STX18: variants seen among roughly 807,000 people sequenced by gnomAD.
STX18 encodes the protein syntaxin-18.
STX18 carries 40 observed loss-of-function variants against 50.1 expected under a neutral mutation model. The ratio of observed to expected loss-of-function variants is 0.80; its 90% CI spans 0.62 to 1.04. The LOEUF is 1.04. Ranked by LOEUF, STX18 falls within the 50% of genes least tolerant of loss-of-function variation. The pLI is 0.00. For missense variants in STX18, 410 were observed against 415.8 expected (o/e 0.99, Z 0.12); for synonymous variants, 158 against 151.8 (o/e 1.04, Z -0.30).
chr4:4,486,204 G>A (rs571155118), intron 1 of STX18, among the ~76,000 whole-genome samples: 8 of 152,234 alleles, frequency 5.3e-5, no homozygotes, highest in South Asian at 2.1e-4. Flanking sequence ...CACCAACCCC[G>A]TCAGTTTCTT....
In STX18 at chr4:4,487,562, C is replaced by A. The variant is rs118078303; in HGVS notation, c.169-15856G>T. 2.1e-3 allele frequency among the ~76,000 whole-genome samples: 323 copies of A among 152,320 alleles called. 5 individuals carry two copies. The highest frequency in any genetic ancestry group is 0.011 in the East Asian group (58 of 5,180). ...TCTAAGCCTGTGCTCTTAAATTCTT[C>A]ACTCTATGCCTCCAAACTTGGGCTC... On this transcript the variant is annotated intron_variant, in intron 1 of 10. Coordinates refer to ENST00000306200, the MANE Select transcript of STX18 (RefSeq NM_016930.4).
intron 7 of STX18, among the ~76,000 whole-genome samples, chr4:4,428,769 C>T (rs571128593): frequency 3.3e-5 from 5 of 152,164 alleles, no homozygotes; most frequent in African/African-American, 7.2e-5. Flanking sequence ...TTGCAAGGTG[C>T]GGTGCTGAAT....
chr4:4,504,044 C>T (rs1729582077), intron 1 of STX18, among the ~76,000 whole-genome samples: 1 of 152,124 alleles, frequency 6.6e-6, no homozygotes, highest in South Asian at 2.1e-4. Context: ...AGGTCACTGA[C>T]TTACACATCT....
intron 8 of STX18, 114 bp downstream of exon 8, chr4:4,425,050 T>C: frequency 1.1e-6 from 1 of 939,560 alleles, no homozygotes; most frequent in African/African-American, 1.6e-5. Context: ...TGAGGGGGGC[T>C]GCACCAGCCC....
rs559363325 is a variant in STX18, at chr4:4,507,628, G to T, written c.168+34169C>A. The T allele has an allele frequency of 3.9e-6, 3 of 769,234 alleles. No individual in the cohort carries two copies. The South Asian group carries it at 4.1e-5, about 10-fold the overall frequency. 47.7% of individuals were successfully genotyped at this position (769,234 alleles called of 1,614,324 possible). A position where few individuals can be genotyped will look rare whatever the true frequency, so the allele number is the denominator to read the frequency against. On this transcript the variant is annotated intron_variant, in intron 1 of 10. Coordinates refer to ENST00000306200, the MANE Select transcript of STX18 (RefSeq NM_016930.4). ...TTCCCAAGCGAAATTGTGGGCAAGA[G>T]AATTCACGTGAACTGGATGGCAGCC...
intron 1 of STX18, among the ~76,000 whole-genome samples, chr4:4,537,573 A>C (rs1731400095): frequency 6.6e-6 from 1 of 152,228 alleles, no homozygotes; most frequent in Non-Finnish European, 1.5e-5. Flanking sequence ...CTAGAGAAAG[A>C]AGCTCTATCC....
rs758080721 is a variant in STX18, at chr4:4,438,549, T to C, written c.498-40A>G. ...TTAGCAGGCAGGTATTTTATTTCCATAACAGGATTCCTTTTTGAAAACAGA... is the reference window on the plus strand; with the variant it reads ...TTAGCAGGCAGGTATTTTATTTCCACAACAGGATTCCTTTTTGAAAACAGA... On this transcript the variant is annotated intron_variant, in intron 5 of 10. Coordinates refer to ENST00000306200, the MANE Select transcript of STX18 (RefSeq NM_016930.4). 19 of 1,505,580 alleles carry C rather than the reference T, an allele frequency of 1.3e-5. No homozygotes were observed. The South Asian group carries it at 2.0e-4, about 15-fold the overall frequency. The allele number at this position is 1,505,580 out of a possible 1,614,324, so 93.3% of individuals were successfully genotyped here.
At chr4:4,532,395 C>G (rs1321470203) in intron 1 of STX18, among the ~76,000 whole-genome samples, 2 of 152,042 alleles carry the variant, frequency 1.3e-5, no homozygotes, top group Non-Finnish European at 2.9e-5. Flanking sequence ...TATATCACCA[C>G]TTTTAAATCA....
intron 1 of STX18, among the ~76,000 whole-genome samples, chr4:4,503,165 G>T (rs912025573): frequency 4.6e-5 from 7 of 152,156 alleles, no homozygotes; most frequent in Non-Finnish European, 8.8e-5. Context: ...AACTGCGTGG[G>T]GTGGCAGTGC....
intron 5 of STX18, among the ~76,000 whole-genome samples, chr4:4,447,067 C>CTCCATCCTCAGTTTA (rs1726448579): frequency 6.6e-6 from 1 of 152,186 alleles, no homozygotes; most frequent in African/African-American, 2.4e-5. Flanking sequence ...TGAGGATCTG[C>CTCCATCCTCAGTTTA]TCCATGTTTG....
chr4:4,438,562 T>C (rs1725916077), intron 5 of STX18, 53 bp from the exon 6 acceptor site: 7 of 1,445,730 alleles, frequency 4.8e-6, no homozygotes, highest in Non-Finnish European at 6.7e-6. Flanking sequence ...CAGGATTCCT[T>C]TTTGAAAACA....
Position 4,527,321 on chromosome 4 carries a change from A to T in STX18, c.168+14476T>A, listed in dbSNP as rs182902976. Among the ~76,000 whole-genome samples the T allele has an allele frequency of 1.7e-3, 266 of 152,342 alleles. 3 individuals are homozygous for T. The highest frequency in any genetic ancestry group is 1.0e-2 in the Admixed American group (153 of 15,302). On this transcript the variant is annotated intron_variant, in intron 1 of 10. Transcript: ENST00000306200. ...TGTGCTTTGGGAATTCACTCACAAAAAAAGGGTTGAGTGTGGGTAATAAAT... is the reference window on the plus strand; with the variant it reads ...TGTGCTTTGGGAATTCACTCACAAATAAAGGGTTGAGTGTGGGTAATAAAT...
chr4:4,469,626 G>C lies in STX18; in HGVS notation c.236+2013C>G, dbSNP rs760350878. The stretch of plus-strand genomic sequence containing the variant: ...AGAAAAGAGCCAGATGATGAAAACT[G>C]GCCAGGAATCATGAGCACAGCGGTA... On this transcript the variant is annotated intron_variant, in intron 2 of 10. Coordinates refer to ENST00000306200, the MANE Select transcript of STX18 (RefSeq NM_016930.4). Among the ~76,000 whole-genome samples, 44 of 151,992 alleles carry C rather than the reference G, an allele frequency of 2.9e-4. 1 individual carries two copies. The highest frequency in any genetic ancestry group is 1.0e-3 in the African/African-American group (43 of 41,382).
At chr4:4,510,152 C>T (rs1729931780) in intron 1 of STX18, among the ~76,000 whole-genome samples, 1 of 152,154 alleles carries the variant, frequency 6.6e-6, no homozygotes, top group Non-Finnish European at 1.5e-5. Context: ...TGGGTGCCTA[C>T]TATGTGTCAA....
rs757297142 is a variant in STX18 at position 4,419,658 on chromosome 4, GGTCA to G, written c.*372_*375del. On this transcript the variant is annotated 3_prime_UTR_variant, in exon 11 of 11. Coordinates refer to ENST00000306200, the MANE Select transcript of STX18 (RefSeq NM_016930.4). ...TCCCTGAAGCTACCGGGATGGGAAAGGTCAGTGTCTTCCTTTGAACCCTGAGACA... is the reference window on the plus strand; with the variant it reads ...TCCCTGAAGCTACCGGGATGGGAAAGGTGTCTTCCTTTGAACCCTGAGACA... 8 of 178,452 alleles carry G rather than the reference GGTCA, an allele frequency of 4.5e-5. No individual in the cohort carries two copies. The highest frequency in any genetic ancestry group is 5.9e-5 in the Non-Finnish European group (5 of 84,826). The allele number at this position is 178,452 out of a possible 1,614,324, so 11.1% of individuals were successfully genotyped here.
At chr4:4,465,498 C>T (rs1727574971) in intron 2 of STX18, among the ~76,000 whole-genome samples, 1 of 152,160 alleles carries the variant, frequency 6.6e-6, no homozygotes, top group South Asian at 2.1e-4. Context: ...AGCAAACTAA[C>T]GTAAGAACAG....
intron 1 of STX18, among the ~76,000 whole-genome samples, chr4:4,504,338 G>GA (rs1316092718): frequency 5.3e-5 from 8 of 151,924 alleles, no homozygotes; most frequent in Non-Finnish European, 7.4e-5. Context: ...TTATCTCTCA[G>GA]AAAAAATCTG....
At chr4:4,507,052 T>A in intron 1 of STX18, 1 of 486,814 alleles carries the variant, frequency 2.1e-6, no homozygotes, top group Non-Finnish European at 4.0e-6. Context: ...CAGCTCTTCC[T>A]AAGCCAGTGC....
Position 4,420,528 on chromosome 4 carries a change from G to C in STX18, c.912+336C>G. On this transcript the variant is annotated intron_variant, in intron 10 of 10. Coordinates refer to ENST00000306200, the MANE Select transcript of STX18 (RefSeq NM_016930.4). This position sits in a 1 kb window ranked among gnomAD's most constrained non-coding sequence, Gnocchi z 4.3. ...ATGGCTGTAGTGTCCTCTGTAAGCA[G>C]GGGCCAGGCTCTGACCCCTCGGTGG... 1 of 399,078 alleles carries C rather than the reference G, an allele frequency of 2.5e-6. No homozygotes were observed. The highest frequency in any genetic ancestry group is 4.5e-6 in the Non-Finnish European group (1 of 220,262). 24.7% of individuals were successfully genotyped at this position (399,078 alleles called of 1,614,324 possible).
Sources: gnomAD v4.1 joint callset for allele counts (sites outside exome capture counted in the v4.1 genomes callset) on GRCh38, gnomAD v4.1.1 for gene constraint, Gnocchi (gnomAD v3.1) non-coding constraint, MANE v1.5 for transcripts, NCBI Gene and HGNC (gene_info 2026-07-23, HGNC 2026-07-21) for gene names.